STXBP4: variants seen among roughly 807,000 people sequenced by gnomAD.
STXBP4 encodes the protein syntaxin-binding protein 4.
In STXBP4, 55 loss-of-function variants were observed where a neutral mutation model predicts 76.1. That is an observed-to-expected ratio of 0.72 (90% CI 0.58 to 0.91). The LOEUF (loss-of-function observed/expected upper bound fraction) is 0.91, where lower values mean the gene tolerates loss of function less well. Among genes scored for constraint, STXBP4 ranks in the 40% least tolerant of loss-of-function variants. The pLI is 0.00. For missense variants in STXBP4, 618 were observed against 636.9 expected (o/e 0.97, Z 0.32); for synonymous variants, 201 against 220.2 (o/e 0.91, Z 0.77).
intron 8 of STXBP4, among the ~76,000 whole-genome samples, chr17:55,008,997 G>T (rs1404810524): frequency 6.6e-6 from 1 of 152,108 alleles, no homozygotes; most frequent in Non-Finnish European, 1.5e-5. Flanking sequence ...GCCTTCTTTT[G>T]CACGTTAGTA....
At chr17:55,028,663 G>A (rs919338779) in intron 8 of STXBP4, among the ~76,000 whole-genome samples, 1 of 152,110 alleles carries the variant, frequency 6.6e-6, no homozygotes, top group Admixed American at 6.5e-5. Flanking sequence ...AAAACCTCAT[G>A]TATGAAAATT....
chr17:55,044,977 C>A (rs1427000187), intron 11 of STXBP4, among the ~76,000 whole-genome samples: 1 of 151,772 alleles, frequency 6.6e-6, no homozygotes, highest in African/African-American at 2.4e-5. Context: ...TGGCCAGTTC[C>A]CTATTGATGG....
chr17:55,168,851 G>T lies in STXBP4; in HGVS notation c.*8940G>T, dbSNP rs1183681867. The T allele has an allele frequency of 6.6e-6, 1 of 152,038 alleles. No individual in the cohort carries two copies. Among genetic ancestry groups the T allele is most frequent in the Admixed American group, 6.5e-5 (1 of 15,274 alleles). 9.4% of individuals were successfully genotyped at this position (152,038 alleles called of 1,614,324 possible). A position where few individuals can be genotyped will look rare whatever the true frequency, so the allele number is the denominator to read the frequency against. On this transcript the variant is annotated 3_prime_UTR_variant, in exon 18 of 18. Transcript: ENST00000376352. ...CATCCATTCTACAACTCTGATGCTGGCACATTTTTTATCTTGGCAAAAGGA... is the reference window on the plus strand; with the variant it reads ...CATCCATTCTACAACTCTGATGCTGTCACATTTTTTATCTTGGCAAAAGGA...
At chr17:55,052,923 G>C (rs2078877503) in intron 12 of STXBP4, among the ~76,000 whole-genome samples, 1 of 125,238 alleles carries the variant, frequency 8.0e-6, no homozygotes, top group East Asian at 2.1e-4. Context: ...TGACGTGTGT[G>C]TGTGTGTGTG....
intron 8 of STXBP4, among the ~76,000 whole-genome samples, chr17:55,014,074 G>C (rs1247725762): frequency 6.6e-6 from 1 of 152,162 alleles, no homozygotes; most frequent in African/African-American, 2.4e-5. Context: ...CCTAAAATTG[G>C]AGTATTGCAG....
At chr17:55,083,875 A>C (rs993804346) in intron 16 of STXBP4, among the ~76,000 whole-genome samples, 2 of 152,158 alleles carry the variant, frequency 1.3e-5, no homozygotes, top group African/African-American at 4.8e-5. Context: ...TATTCTATTC[A>C]TCAATGCAAA....
chr17:55,199,397 T>G, the STXBP4 span, among the ~76,000 whole-genome samples: 49 of 152,346 alleles, frequency 3.2e-4, no homozygotes, highest in Admixed American at 1.2e-3. Context: ...CTAGATGCAG[T>G]TAAGTTCAAA....
chr17:55,065,037 A>G (rs2079034159), intron 12 of STXBP4, among the ~76,000 whole-genome samples: 1 of 152,218 alleles, frequency 6.6e-6, no homozygotes, highest in Non-Finnish European at 1.5e-5. Flanking sequence ...ATTTTGTGTT[A>G]TCATCATTAT....
At chr17:54,973,471 G>A (rs1382953542) in intron 1 of STXBP4, among the ~76,000 whole-genome samples, 2 of 152,212 alleles carry the variant, frequency 1.3e-5, no homozygotes, top group Admixed American at 6.5e-5. Context: ...CTTAGACAGA[G>A]TTGAGCATAG....
chr17:55,064,289 G>T (rs758287435), intron 12 of STXBP4, among the ~76,000 whole-genome samples: 1 of 152,100 alleles, frequency 6.6e-6, no homozygotes, highest in Non-Finnish European at 1.5e-5. Flanking sequence ...TGATGTGGTT[G>T]CTAGTGGTAT....
At chr17:55,193,748 C>A in the STXBP4 span, among the ~76,000 whole-genome samples, 1 of 150,828 alleles carries the variant, frequency 6.6e-6, no homozygotes, top group East Asian at 2.0e-4. Flanking sequence ...GGTTTTGGAA[C>A]CCTCCATCAT....
At chr17:55,067,923 G>A (rs1231212493) in intron 12 of STXBP4, among the ~76,000 whole-genome samples, 3 of 152,096 alleles carry the variant, frequency 2.0e-5, no homozygotes. Flanking sequence ...AGTGAGGAAA[G>A]AGAAAAGAAA....
intron 16 of STXBP4, among the ~76,000 whole-genome samples, chr17:55,122,264 A>G (rs1038425511): frequency 2.6e-5 from 4 of 152,244 alleles, no homozygotes; most frequent in Non-Finnish European, 5.9e-5. Context: ...CATTGTCCAC[A>G]ATCATGTTTT....
At chr17:55,185,233 T>TCTC in the STXBP4 span, among the ~76,000 whole-genome samples, 2 of 46,008 alleles carry the variant, frequency 4.3e-5, no homozygotes, top group South Asian at 8.1e-4. Context: ...TTCTTCTTCT[T>TCTC]CTTCTTCTTC....
chr17:54,980,153 G>C (rs2077529146), intron 1 of STXBP4, among the ~76,000 whole-genome samples: 1 of 151,954 alleles, frequency 6.6e-6, no homozygotes, highest in African/African-American at 2.4e-5. Flanking sequence ...TGCTTTATTA[G>C]TAACATTTTT....
chr17:55,080,189 G>GA (rs141815042), intron 15 of STXBP4, among the ~76,000 whole-genome samples: 2 of 151,958 alleles, frequency 1.3e-5, no homozygotes, highest in African/African-American at 4.8e-5. Flanking sequence ...CTGCTTCATG[G>GA]AAAAAAAGAC....
At chr17:55,051,157 A>G (rs1182976650) in intron 12 of STXBP4, among the ~76,000 whole-genome samples, 1 of 152,228 alleles carries the variant, frequency 6.6e-6, no homozygotes, top group Non-Finnish European at 1.5e-5. Flanking sequence ...CTTCTCTAAG[A>G]ATACCTTTTC....
At chr17:55,026,220 C>T (rs2078411401) in intron 8 of STXBP4, among the ~76,000 whole-genome samples, 1 of 152,070 alleles carries the variant, frequency 6.6e-6, no homozygotes, top group Non-Finnish European at 1.5e-5. Flanking sequence ...CAATCTTTAT[C>T]AAAATATCAG....
chr17:55,059,533 G>A (rs1476535361), intron 12 of STXBP4, among the ~76,000 whole-genome samples: 1 of 151,986 alleles, frequency 6.6e-6, no homozygotes, highest in East Asian at 1.9e-4. Context: ...TAAAAATTTG[G>A]TTCCTCAGTC....
Sources: gnomAD v4.1 joint callset for allele counts (sites outside exome capture counted in the v4.1 genomes callset) on GRCh38, gnomAD v4.1.1 for gene constraint, MANE v1.5 for transcripts, NCBI Gene and HGNC (gene_info 2026-07-23, HGNC 2026-07-21) for gene names.